Variants in ACOT7 observed in about 807,000 individuals in gnomAD.
The protein encoded by ACOT7 is acyl-CoA thioesterase 7.
ACOT7 carries 12 observed loss-of-function variants against 40.2 expected under a neutral mutation model. The observed-to-expected ratio is 0.30, with a 90% CI of 0.19 to 0.48. ACOT7 has a LOEUF of 0.48. Ranked by LOEUF, ACOT7 falls within the 20% of genes least tolerant of loss-of-function variation. ACOT7 has a pLI of 0.99. For missense variants in ACOT7, 395 were observed against 530.8 expected, an observed-to-expected ratio of 0.74 and a Z score of 2.51; for synonymous variants, 228 against 219.5, an observed-to-expected ratio of 1.04 and a Z score of -0.34.
At chr1:6,374,961 GCT>G (rs1301334097) in intron 1 of ACOT7, among the ~76,000 whole-genome samples, 1 of 152,170 alleles carries the variant, frequency 6.6e-6, no homozygotes, top group Non-Finnish European at 1.5e-5. Context: ...AAAGATTTCA[GCT>G]CTGAGAAAGA....
Position 6,282,749 on chromosome 1 carries a change from G to A in ACOT7, c.830-1463C>T, listed in dbSNP as rs1302610242. 2 of 1,304,300 alleles carry A rather than the reference G, an allele frequency of 1.5e-6. No individual in the cohort carries two copies. The highest frequency in any genetic ancestry group is 2.0e-6 in the Non-Finnish European group (2 of 988,962). 80.8% of individuals were successfully genotyped at this position (1,304,300 alleles called of 1,614,324 possible). ...AGGGAGCACTTCGTGCCAGTGCTGG[G>A]AGAGGAGGAAGGAGCTGTGTGGTCA... is the stretch of plus-strand genomic sequence containing the variant. On this transcript the variant is annotated intron_variant, in intron 7 of 8. Coordinates refer to ENST00000361521, the MANE Select transcript of ACOT7 (RefSeq NM_007274.4). This position sits in a 1 kb window ranked among gnomAD's most constrained non-coding sequence, Gnocchi z 4.5.
chr1:6,343,157 C>T (rs1180263139), intron 2 of ACOT7, among the ~76,000 whole-genome samples: 3 of 152,194 alleles, frequency 2.0e-5, no homozygotes, highest in African/African-American at 4.8e-5. Context: ...AGGGGTGCCA[C>T]ATTAGGCAAG....
chr1:6,387,668 A>G (rs919932044), intron 1 of ACOT7, among the ~76,000 whole-genome samples: 1 of 152,166 alleles, frequency 6.6e-6, no homozygotes, highest in Admixed American at 6.5e-5. Flanking sequence ...GGAGAAAGCC[A>G]CTTCTGGTCT....
intron 1 of ACOT7, among the ~76,000 whole-genome samples, chr1:6,391,156 C>A (rs993032180): frequency 6.6e-6 from 1 of 151,822 alleles, no homozygotes. Context: ...ATTAGCTGGG[C>A]GTGGTGGCGC....
rs577864838 is a variant in ACOT7 at position 6,391,461 on chromosome 1, G to A, written c.143+1796C>T. The stretch of plus-strand genomic sequence containing the variant: ...GCAGGGGTTGCAGTGAGCTGAGATC[G>A]GGCCACTGCACTCCAGCCCGGGTGA... On this transcript the variant is annotated intron_variant, in intron 1 of 8. Coordinates refer to ENST00000361521, the MANE Select transcript of ACOT7 (RefSeq NM_007274.4). 2.2e-4 allele frequency among the ~76,000 whole-genome samples: 34 copies of A among 152,262 alleles called. 1 individual carries two copies. The South Asian group carries it at 5.8e-3, about 26-fold the overall frequency.
rs1460444499 is a variant in ACOT7 at position 6,289,563 on chromosome 1, G to A, written c.829+5301C>T. Among the ~76,000 whole-genome samples, 2 of 152,140 alleles carry A rather than the reference G, an allele frequency of 1.3e-5. No homozygotes were observed. Among genetic ancestry groups the A allele is most frequent in the South Asian group, 4.2e-4 (2 of 4,814 alleles). On this transcript the variant is annotated intron_variant, in intron 7 of 8. Transcript: ENST00000361521. The surrounding 1 kb of genome is among the most constrained non-coding windows in gnomAD (Gnocchi z 4.6). Reference sequence around the variant, plus strand: ...ATAATTTTTAAATTTTTGTAGAGATGGGGCCTCACCATGTTGCCCAGGCTG... The same window carrying A: ...ATAATTTTTAAATTTTTGTAGAGATAGGGCCTCACCATGTTGCCCAGGCTG...
chr1:6,387,319 G>C (rs938238278), intron 1 of ACOT7, among the ~76,000 whole-genome samples: 4 of 151,788 alleles, frequency 2.6e-5, no homozygotes, highest in African/African-American at 9.7e-5. Context: ...TCTCAATAAA[G>C]CTGGTTTAAA....
rs368592707 is a variant in ACOT7, at chr1:6,296,480, C to G, written c.713-1500G>C. On this transcript the variant is annotated intron_variant, in intron 6 of 8. Transcript: ENST00000361521. ...GCACTGTCGCCCAGGCTGGAGTGCA[C>G]TGGCGCGATCTCCGCTCACCGCAAC... Among the ~76,000 whole-genome samples, 56 of 151,516 alleles carry G rather than the reference C, an allele frequency of 3.7e-4. No homozygotes were observed. In the South Asian group the frequency reaches 0.011, roughly 29 times the overall value.
At chr1:6,343,667 C>T (rs1393230011) in intron 2 of ACOT7, among the ~76,000 whole-genome samples, 1 of 152,286 alleles carries the variant, frequency 6.6e-6, no homozygotes, top group Non-Finnish European at 1.5e-5. Flanking sequence ...AAGAATTAGG[C>T]ACCGCCTCTG....
intron 6 of ACOT7, among the ~76,000 whole-genome samples, chr1:6,305,287 C>T (rs1416095749): frequency 3.1e-5 from 4 of 129,610 alleles, no homozygotes; most frequent in African/African-American, 7.9e-5. Flanking sequence ...GGCGGCTGTC[C>T]GGGCAGAGGG....
chr1:6,392,670 T>C (rs1183409256), intron 1 of ACOT7, among the ~76,000 whole-genome samples: 1 of 152,196 alleles, frequency 6.6e-6, no homozygotes, highest in Admixed American at 6.5e-5. Flanking sequence ...TTATCTGTTC[T>C]TCCTTTCAAC....
At position 6,393,284 on chromosome 1, in the gene ACOT7, T is replaced by C. The variant is rs766599119; in HGVS notation, c.116A>G (p.Glu39Gly). ...GCAGATCTGGATGGCGGACGGCGTC[T>C]CGACGTCTGGGCCCGACATGCTGGG... is the stretch of plus-strand genomic sequence containing the variant. ...AAPSMSGPDV[E>G]TPSAIQICRI... The change falls in exon 1 of 9, where the codon GAG becomes GGG. Residue 39 changes from glutamate (E) to glycine (G), a missense_variant. By Grantham distance (98) the Glu-to-Gly change is moderately conservative. Transcript: ENST00000361521. 51 of 1,283,844 alleles carry C rather than the reference T, an allele frequency of 4.0e-5. No individual in the cohort carries two copies. The highest frequency in any genetic ancestry group is 2.2e-4 in the Middle Eastern group (1 of 4,494). The allele number at this position is 1,283,844 out of a possible 1,614,324, so 79.5% of individuals were successfully genotyped here.
intron 5 of ACOT7, 150 bp downstream of exon 5, chr1:6,327,149 C>T (rs992834577): frequency 1.3e-6 from 1 of 793,972 alleles, no homozygotes; most frequent in Admixed American, 2.4e-5. Context: ...GACAGCCCTC[C>T]CTGGGGACCC....
chr1:6,333,640 C>G (rs577703516), intron 3 of ACOT7, 72 bp from the exon 4 acceptor site: 1 of 1,483,576 alleles, frequency 6.7e-7, no homozygotes, highest in African/African-American at 1.4e-5. Context: ...AGGCACGTGG[C>G]AGGTGCTGCT....
chr1:6,348,212 G>A (rs1641486980), intron 2 of ACOT7, among the ~76,000 whole-genome samples: 2 of 151,924 alleles, frequency 1.3e-5, no homozygotes, highest in Non-Finnish European at 2.9e-5. Context: ...CCTAAACCAG[G>A]CACTGCCAGC....
At chr1:6,376,473 A>C (rs1642234567) in intron 1 of ACOT7, among the ~76,000 whole-genome samples, 1 of 152,004 alleles carries the variant, frequency 6.6e-6, no homozygotes, top group South Asian at 2.1e-4. Context: ...TCATGCATGT[A>C]ATCCCAGCAC....
chr1:6,321,200 G>A (rs1365508981), intron 5 of ACOT7, among the ~76,000 whole-genome samples: 1 of 152,224 alleles, frequency 6.6e-6, no homozygotes, highest in East Asian at 1.9e-4. Context: ...AGCGGGCACT[G>A]GGAAATAGGG....
intron 1 of ACOT7, among the ~76,000 whole-genome samples, chr1:6,371,982 T>C (rs914321506): frequency 4.6e-5 from 7 of 151,426 alleles, no homozygotes; most frequent in African/African-American, 1.7e-4. Context: ...GAGGTGGAGG[T>C]TGCAGTGAGC....
intron 7 of ACOT7, among the ~76,000 whole-genome samples, chr1:6,283,752 T>C (rs1639421244): frequency 6.6e-6 from 1 of 152,200 alleles, no homozygotes; most frequent in African/African-American, 2.4e-5. Context: ...TCTGAGAATT[T>C]TCACCCTTCA....
Sources: gnomAD v4.1 joint callset for allele counts (sites outside exome capture counted in the v4.1 genomes callset) on GRCh38, gnomAD v4.1.1 for gene constraint, Gnocchi (gnomAD v3.1) non-coding constraint, MANE v1.5 for transcripts, NCBI Gene and HGNC (gene_info 2026-07-23, HGNC 2026-07-21) for gene names.